Variants in RNASET2 observed in about 807,000 individuals in gnomAD.
RNASET2 encodes the protein ribonuclease T2, also known as ribonuclease 6.
Under a neutral mutation model 33.9 loss-of-function variants are expected in RNASET2, and 28 were observed. The ratio of observed to expected loss-of-function variants is 0.83; its 90% CI spans 0.61 to 1.13. The LOEUF is 1.13. Among genes scored for constraint, RNASET2 ranks in the 50% most tolerant of loss-of-function variants. The pLI, the probability that RNASET2 is intolerant of heterozygous loss-of-function variation, is 0.00. For synonymous variants in RNASET2, 123 were observed against 121.0 expected, an observed-to-expected ratio of 1.02 and a Z score of -0.11; for missense variants, 330 against 319.9, an observed-to-expected ratio of 1.03 and a Z score of -0.24.
intron 2 of RNASET2, among the ~76,000 whole-genome samples, chr6:166,951,135 C>T (rs1297821385): frequency 1.3e-5 from 2 of 152,214 alleles, no homozygotes; most frequent in East Asian, 3.9e-4. Flanking sequence ...CACGTGTCCA[C>T]TGGACAGAGG....
chr6:166,939,863 G>A (rs1444221989), intron 5 of RNASET2, among the ~76,000 whole-genome samples: 1 of 152,200 alleles, frequency 6.6e-6, no homozygotes, highest in Non-Finnish European at 1.5e-5. Flanking sequence ...GAAAAATGTG[G>A]TCACTGAGAA....
In RNASET2 at chr6:166,956,480, AC is replaced by A. The variant is rs1779169879; in HGVS notation, c.-299del. ...CGCACGTCCCGGGCTCTGCTTCGCG[AC>A]CCACAGCGACCCCAGCTCCTCCACG... On this transcript the variant is annotated 5_prime_UTR_variant, in exon 1 of 9. Coordinates refer to ENST00000508775, the MANE Select transcript of RNASET2 (RefSeq NM_003730.6). The A allele has an allele frequency of 2.2e-6, 1 of 445,534 alleles. No homozygotes were observed. The highest frequency in any genetic ancestry group is 4.6e-5 in the East Asian group (1 of 21,888). 27.6% of individuals were successfully genotyped at this position (445,534 alleles called of 1,614,324 possible).
chr6:166,938,616 C>A (rs3777722), intron 6 of RNASET2: 96,672 of 687,686 alleles, frequency 0.14, 10,582 homozygotes, highest in East Asian at 0.37. Flanking sequence ...GGTTGGAGTC[C>A]TCGTTTTCCC....
chr6:166,947,317 A>ATC (rs932959408), intron 3 of RNASET2, among the ~76,000 whole-genome samples: 7 of 152,316 alleles, frequency 4.6e-5, no homozygotes, highest in African/African-American at 1.7e-4. Flanking sequence ...CCATCCTCAC[A>ATC]CATCTAATTC....
chr6:166,931,195 A>T, intron 7 of RNASET2, 77 bp from the exon 8 acceptor site: 1 of 1,058,552 alleles, frequency 9.4e-7, no homozygotes, highest in Admixed American at 1.7e-5. Context: ...TCCTGAGCGC[A>T]ACAGTGGCAG....
In RNASET2 at chr6:166,927,765, G is replaced by C. The variant is rs565786364; in HGVS notation, c.*1823C>G. 1.5e-4 allele frequency among the ~76,000 whole-genome samples: 23 copies of C among 149,196 alleles called. No homozygotes were observed. Among genetic ancestry groups the C allele is most frequent in the Middle Eastern group, 3.5e-3 (1 of 286 alleles). On this transcript the variant is annotated 3_prime_UTR_variant, in exon 9 of 9. Coordinates refer to ENST00000508775, the MANE Select transcript of RNASET2 (RefSeq NM_003730.6). ...TTGACATCATTTAAAGGACTCTGAG[G>C]CTTAAGAGTCCAACTCTAAAGTACA...
At position 166,955,397 on chromosome 6, in the gene RNASET2, GCACACACACACGCGCA is replaced by G. The variant is rs1218087626; in HGVS notation, c.86+684_86+699del. The G allele has an allele frequency of 1.4e-4, 72 of 519,570 alleles. 7 individuals are homozygous for G. Among genetic ancestry groups the G allele is most frequent in the Non-Finnish European group, 1.5e-4 (66 of 429,410 alleles). The allele number at this position is 519,570 out of a possible 1,614,324, so 32.2% of individuals were successfully genotyped here. A position where few individuals can be genotyped will look rare whatever the true frequency, so the allele number is the denominator to read the frequency against. On this transcript the variant is annotated intron_variant, in intron 1 of 8. Transcript: ENST00000508775. ...AACGCACACGCACACACACACACGC[GCACACACACACGCGCA>G]CACACACACACACGCGGAGGGCGAG...
chr6:166,929,593 G>C lies in RNASET2; in HGVS notation c.766C>G (p.His256Asp). 6.2e-7 allele frequency: 1 copy of C among 1,614,012 alleles called. No homozygotes were observed. Among genetic ancestry groups the C allele is most frequent in the Non-Finnish European group, 8.5e-7 (1 of 1,179,908 alleles). The change falls in exon 9 of 9, where the codon CAT becomes GAT. Residue 256 changes from histidine to aspartate, a missense_variant. Physicochemically the swap from His to Asp is moderately conservative, Grantham distance 81. Coordinates refer to ENST00000508775, the MANE Select transcript of RNASET2 (RefSeq NM_003730.6). ...ATATTTCCAAAACTTGGGCATCAATGCTTGGTCTTTTTAGGTGGGGGATAG... is the reference window on the plus strand; with the variant it reads ...ATATTTCCAAAACTTGGGCATCAATCCTTGGTCTTTTTAGGTGGGGGATAG... ...VFYPPPKKTKH is the reference protein window; with the variant it reads ...VFYPPPKKTKD
At chr6:166,950,352 C>T (rs1198329343) in intron 2 of RNASET2, among the ~76,000 whole-genome samples, 2 of 152,222 alleles carry the variant, frequency 1.3e-5, no homozygotes, top group Admixed American at 1.3e-4. Context: ...GGCAAGGAAA[C>T]AGCAGCAGGA....
rs1277717452 is a variant in RNASET2, at chr6:166,924,207, T to C, written c.*5381A>G. On this transcript the variant is annotated 3_prime_UTR_variant, in exon 9 of 9. Coordinates refer to ENST00000508775, the MANE Select transcript of RNASET2 (RefSeq NM_003730.6). The stretch of plus-strand genomic sequence containing the variant: ...TGCCTCCTGGCTTCAAGTGATTCAT[T>C]CTCCTGCCTCAGCCTCCCGAGTAGC... Among the ~76,000 whole-genome samples, 1 of 152,066 alleles carries C rather than the reference T, an allele frequency of 6.6e-6. No individual in the cohort carries two copies. The highest frequency in any genetic ancestry group is 6.5e-5 in the Admixed American group (1 of 15,278).
In RNASET2 at chr6:166,925,972, G is replaced by A. The variant is rs927672526; in HGVS notation, c.*3616C>T. 1.3e-5 allele frequency among the ~76,000 whole-genome samples: 2 copies of A among 152,206 alleles called. No individual in the cohort carries two copies. Among genetic ancestry groups the A allele is most frequent in the Admixed American group, 6.5e-5 (1 of 15,282 alleles). On this transcript the variant is annotated 3_prime_UTR_variant, in exon 9 of 9. Transcript: ENST00000508775. Reference sequence around the variant, plus strand: ...GGGAGGTGTGATCTGGGAGCAGAGAGCCATGGTTGGTTACGGAGAGTGGCA... The same window carrying A: ...GGGAGGTGTGATCTGGGAGCAGAGAACCATGGTTGGTTACGGAGAGTGGCA...
chr6:166,934,414 G>A (rs1778518801), intron 6 of RNASET2: 3 of 440,874 alleles, frequency 6.8e-6, no homozygotes, highest in African/African-American at 6.0e-5. Context: ...CCACCACCGA[G>A]TGGAGCTGGC....
At position 166,946,702 on chromosome 6, in the gene RNASET2, A is replaced by G; in HGVS notation, c.241T>C (p.Phe81Leu). 1 of 1,561,940 alleles carries G rather than the reference A, an allele frequency of 6.4e-7. No homozygotes were observed. Among genetic ancestry groups the G allele is most frequent in the Non-Finnish European group, 8.7e-7 (1 of 1,142,868 alleles). ...KSEGCNRSWP[F>L]NLEEIKDLLP... The stretch of plus-strand genomic sequence containing the variant: ...AATACCTTAATCTCTTCTAAATTGA[A>G]GGGCCACGATCTATTACATCCTTCA... Residue 81 changes from phenylalanine to leucine, a missense_variant, in exon 4 of 9, where the codon TTC (phenylalanine) becomes CTC (leucine). Physicochemically the swap from Phe to Leu is conservative, Grantham distance 22 (BLOSUM62 0). Transcript: ENST00000508775.
At position 166,943,105 on chromosome 6, in the gene RNASET2, T is replaced by C; in HGVS notation, c.262-16A>G. On this transcript the variant is annotated splice_polypyrimidine_tract_variant and intron_variant, in intron 4 of 8. Coordinates refer to ENST00000508775, the MANE Select transcript of RNASET2 (RefSeq NM_003730.6). ...GCAAAAGATCCTATGCATTAAAAAA[T>C]AAAATAAGTCTACGCAGGTTCTTAA... is the stretch of plus-strand genomic sequence containing the variant. 1 of 1,596,944 alleles carries C rather than the reference T, an allele frequency of 6.3e-7. No individual in the cohort carries two copies. The highest frequency in any genetic ancestry group is 2.2e-5 in the East Asian group (1 of 44,754).
At chr6:166,952,641 A>G in intron 1 of RNASET2, 93 bp from the exon 2 acceptor site, 1 of 951,780 alleles carries the variant, frequency 1.1e-6, no homozygotes, top group South Asian at 1.3e-5. Flanking sequence ...TCATTCATTC[A>G]GCACTGAGTG....
chr6:166,952,683 G>A (rs1044076595), intron 1 of RNASET2, 135 bp from the exon 2 acceptor site: 1 of 731,058 alleles, frequency 1.4e-6, no homozygotes, highest in Non-Finnish European at 2.5e-6. Context: ...CTGCCCTGCT[G>A]CTGCACACAC....
At chr6:166,930,346 G>A (rs1778389776) in intron 8 of RNASET2, among the ~76,000 whole-genome samples, 1 of 150,516 alleles carries the variant, frequency 6.6e-6, no homozygotes, top group Non-Finnish European at 1.5e-5. Context: ...GCAGGCCTGT[G>A]CACACATGCA....
Position 166,933,819 on chromosome 6 carries a change from C to G in RNASET2, c.492+272G>C. ...AATGTGACTCTTGAAACTGCAGATT[C>G]CACCTGCTCTGCCGGACCCTGGAGC... is the stretch of plus-strand genomic sequence containing the variant. On this transcript the variant is annotated intron_variant, in intron 7 of 8. Transcript: ENST00000508775. The surrounding 1 kb of genome is among the most constrained non-coding windows in gnomAD (Gnocchi z 4.1). 1.9e-6 allele frequency: 1 copy of G among 527,696 alleles called. No individual in the cohort carries two copies. Among genetic ancestry groups the G allele is most frequent in the South Asian group, 2.6e-5 (1 of 39,164 alleles). 32.7% of individuals were successfully genotyped at this position (527,696 alleles called of 1,614,324 possible).
chr6:166,954,965 T>G (rs1779070288), intron 1 of RNASET2, among the ~76,000 whole-genome samples: 1 of 152,136 alleles, frequency 6.6e-6, no homozygotes, highest in South Asian at 2.1e-4. Flanking sequence ...TACTCCAGCC[T>G]GAGTGACAGA....
Sources: gnomAD v4.1 joint callset for allele counts (sites outside exome capture counted in the v4.1 genomes callset) on GRCh38, gnomAD v4.1.1 for gene constraint, Gnocchi (gnomAD v3.1) non-coding constraint, MANE v1.5 for transcripts, NCBI Gene and HGNC (gene_info 2026-07-23, HGNC 2026-07-21) for gene names.